Variants in STAB2 observed in about 807,000 individuals in gnomAD.
The protein encoded by STAB2 is stabilin-2.
A neutral mutation model predicts 338.1 loss-of-function variants in STAB2; 288 were observed. The observed-to-expected ratio is 0.85, with a 90% CI of 0.77 to 0.94. STAB2 has a LOEUF of 0.94. STAB2 is among the 40% of genes least tolerant of loss of function. STAB2 has a pLI of 0.00. For synonymous variants in STAB2, 1,202 were observed against 1,193.3 expected (o/e 1.01, Z -0.15); for missense variants, 3,141 against 3,210.1 (o/e 0.98, Z 0.52).
chr12:103,607,439 A>T (rs556961893), intron 3 of STAB2, among the ~76,000 whole-genome samples: 1 of 149,006 alleles, frequency 6.7e-6, no homozygotes, highest in Admixed American at 6.8e-5. Context: ...CGCAACGTGC[A>T]GGTTTGTTAC....
intron 37 of STAB2, 139 bp from the exon 38 acceptor site, chr12:103,706,653 T>C (rs778118758): frequency 1.5e-5 from 17 of 1,144,570 alleles, no homozygotes; most frequent in Non-Finnish European, 2.0e-5. Context: ...CAGAGGGTCC[T>C]GCCCCCACCC....
At chr12:103,719,536 C>T (rs1443441788) in intron 44 of STAB2, among the ~76,000 whole-genome samples, 1 of 152,206 alleles carries the variant, frequency 6.6e-6, no homozygotes, top group African/African-American at 2.4e-5. Context: ...TTTCCTCTTC[C>T]AGCTTCTGGT....
intron 43 of STAB2, among the ~76,000 whole-genome samples, chr12:103,716,526 G>GT (rs1272216423): frequency 6.6e-6 from 1 of 152,208 alleles, no homozygotes; most frequent in Non-Finnish European, 1.5e-5. Context: ...ACAAAGTGAA[G>GT]TCACCAGTGA....
chr12:103,610,512 T>C (rs1193141782), intron 3 of STAB2, among the ~76,000 whole-genome samples: 1 of 152,226 alleles, frequency 6.6e-6, no homozygotes, highest in Admixed American at 6.5e-5. Context: ...TAGTTTGTAT[T>C]TCTGTGGGAT....
At chr12:103,597,725 T>C (rs1319564599) in intron 3 of STAB2, among the ~76,000 whole-genome samples, 3 of 152,192 alleles carry the variant, frequency 2.0e-5, no homozygotes, top group Non-Finnish European at 4.4e-5. Context: ...TAATCATGTC[T>C]GAACAGCCGA....
At chr12:103,747,480 C>T (rs560612223) in intron 58 of STAB2, among the ~76,000 whole-genome samples, 1 of 152,124 alleles carries the variant, frequency 6.6e-6, no homozygotes, top group Non-Finnish European at 1.5e-5. Context: ...CTGAGGTGGC[C>T]AATACCATAA....
At chr12:103,761,528 C>T (rs1263192784) in intron 66 of STAB2, 118 bp downstream of exon 66, 1 of 851,504 alleles carries the variant, frequency 1.2e-6, no homozygotes, top group Admixed American at 2.6e-5. Flanking sequence ...ACTGGAGGAG[C>T]CTCCAGCCTC....
At chr12:103,713,852 A>G (rs1217112892) in intron 42 of STAB2, 84 bp downstream of exon 42, 16 of 1,565,728 alleles carry the variant, frequency 1.0e-5, no homozygotes, top group Non-Finnish European at 1.3e-5. Flanking sequence ...TGCCCTGATT[A>G]TCAGGACACA....
At chr12:103,750,280 C>T (rs1021418482) in intron 59 of STAB2, among the ~76,000 whole-genome samples, 2 of 152,090 alleles carry the variant, frequency 1.3e-5, no homozygotes, top group Non-Finnish European at 2.9e-5. Context: ...CACAAGGAGC[C>T]CTGTGAAGAA....
chr12:103,667,610 C>T (rs1396805917), intron 19 of STAB2, among the ~76,000 whole-genome samples: 5 of 152,140 alleles, frequency 3.3e-5, no homozygotes, highest in South Asian at 2.1e-4. Context: ...TCACCCATCC[C>T]GGGAATCCTG....
In STAB2 at chr12:103,745,178, G is replaced by A. The variant is rs746715447; in HGVS notation, c.6037G>A (p.Gly2013Ser). 6.2e-7 allele frequency: 1 copy of A among 1,613,260 alleles called. No individual in the cohort carries two copies. The highest frequency in any genetic ancestry group is 1.3e-5 in the African/African-American group (1 of 75,006). The stretch of plus-strand genomic sequence containing the variant: ...ATATCCTAATTTGTTTACAGCCTGT[G>A]GCTGCTCAGACCACGGACAGTGCGA... ...GRFGPDCLPC[G>S]CSDHGQCDDG... Residue 2013 changes from glycine (G) to serine (S), a missense_variant, in exon 57 of 69, where the codon GGC becomes AGC. Physicochemically the swap from Gly to Ser is moderately conservative, Grantham distance 56. Coordinates refer to ENST00000388887, the MANE Select transcript of STAB2 (RefSeq NM_017564.10).
chr12:103,601,459 G>A (rs909946661), intron 3 of STAB2, among the ~76,000 whole-genome samples: 4 of 152,164 alleles, frequency 2.6e-5, no homozygotes, highest in African/African-American at 7.2e-5. Flanking sequence ...GGGCATGGTC[G>A]TGGGTGCCTG....
chr12:103,758,009 T>G, intron 63 of STAB2, 161 bp from the exon 64 acceptor site: 1 of 1,041,930 alleles, frequency 9.6e-7, no homozygotes, highest in Non-Finnish European at 1.4e-6. Flanking sequence ...GTCCTCAAAC[T>G]CTCCCACGGC....
intron 55 of STAB2, among the ~76,000 whole-genome samples, chr12:103,742,106 T>C (rs7301863): frequency 0.67 from 101,829 of 152,112 alleles, 34,541 homozygotes; most frequent in African/African-American, 0.76. Flanking sequence ...ATCATTTAGA[T>C]CTAAGAAAAC....
chr12:103,753,752 G>A (rs368471994), intron 61 of STAB2, among the ~76,000 whole-genome samples: 1 of 152,162 alleles, frequency 6.6e-6, no homozygotes. Flanking sequence ...CAACTGCCAA[G>A]GCAGAAGTGG....
intron 67 of STAB2, 70 bp downstream of exon 67, chr12:103,762,472 T>C: frequency 6.2e-7 from 1 of 1,608,088 alleles, no homozygotes; most frequent in East Asian, 2.2e-5. Context: ...CCTGGGCTGC[T>C]TCAGTCGGTG....
chr12:103,756,811 C>G (rs1220220540), intron 63 of STAB2, among the ~76,000 whole-genome samples: 1 of 151,908 alleles, frequency 6.6e-6, no homozygotes, highest in Non-Finnish European at 1.5e-5. Flanking sequence ...CCAAAGATAT[C>G]CATCTCACTG....
chr12:103,765,967 T>C (rs1884925284), intron 68 of STAB2: 1 of 450,880 alleles, frequency 2.2e-6, no homozygotes, highest in South Asian at 1.9e-5. Context: ...TATACCTTGC[T>C]AAATGTAGGC....
At chr12:103,625,694 A>C (rs535939877) in intron 5 of STAB2, among the ~76,000 whole-genome samples, 19 of 152,288 alleles carry the variant, frequency 1.2e-4, no homozygotes, top group African/African-American at 4.1e-4. Context: ...TGAACTCATC[A>C]TTTTTATGGC....
Sources: gnomAD v4.1 joint callset for allele counts (sites outside exome capture counted in the v4.1 genomes callset) on GRCh38, gnomAD v4.1.1 for gene constraint, MANE v1.5 for transcripts, NCBI Gene and HGNC (gene_info 2026-07-23, HGNC 2026-07-21) for gene names.